Variants in CAMTA1 observed in about 807,000 individuals in gnomAD.
CAMTA1 encodes calmodulin-binding transcription activator 1.
A neutral mutation model predicts 170.9 loss-of-function variants in CAMTA1; 27 were observed. The observed-to-expected ratio is 0.16, with a 90% CI of 0.12 to 0.22. CAMTA1 has a LOEUF of 0.22. Among genes scored for constraint, CAMTA1 ranks in the 10% least tolerant of loss-of-function variants. The pLI is 1.00. For synonymous variants in CAMTA1, 833 were observed against 891.5 expected (o/e 0.93, Z 1.17); for missense variants, 1,619 against 2,217.2 (o/e 0.73, Z 5.42).
chr1:6,868,256 C>G (rs1667282995), intron 3 of CAMTA1, among the ~76,000 whole-genome samples: 1 of 150,720 alleles, frequency 6.6e-6, no homozygotes, highest in African/African-American at 2.4e-5. Context: ...CAGCAGTGAG[C>G]CAAGATCTTG....
intron 3 of CAMTA1, among the ~76,000 whole-genome samples, chr1:6,876,368 T>A (rs1038070580): frequency 6.6e-6 from 1 of 151,750 alleles, no homozygotes; most frequent in Admixed American, 6.6e-5. Context: ...TTAATTAATT[T>A]TTTTTTTTTT....
rs76339112 is a variant in CAMTA1, at chr1:7,007,743, C to T, written c.235-83561C>T. 3.5e-3 allele frequency among the ~76,000 whole-genome samples: 539 copies of T among 152,284 alleles called. 8 individuals carry two copies. The highest frequency in any genetic ancestry group is 0.012 in the African/African-American group (501 of 41,548). ...CGCTTCTGCCTCTTCCAGTGCTTTC[C>T]GACCCTGTGCTTTTCTACCGACTTC... On this transcript the variant is annotated intron_variant, in intron 3 of 22. Transcript: ENST00000303635. The surrounding 1 kb of genome is among the most constrained non-coding windows in gnomAD (Gnocchi z 4.5).
chr1:7,327,519 A>G (rs1479832072), intron 5 of CAMTA1, among the ~76,000 whole-genome samples: 2 of 152,138 alleles, frequency 1.3e-5, no homozygotes, highest in Non-Finnish European at 2.9e-5. Flanking sequence ...ATAAGGTGGT[A>G]GTGTTGGAGA....
intron 6 of CAMTA1, among the ~76,000 whole-genome samples, chr1:7,499,707 AGTGT>A (rs143198883): frequency 9.5e-6 from 1 of 105,092 alleles, no homozygotes; most frequent in Admixed American, 9.3e-5. Context: ...TATGTATATG[AGTGT>A]GTGTGTGCAT....
At chr1:7,629,756 G>C (rs535289935) in intron 6 of CAMTA1, among the ~76,000 whole-genome samples, 2 of 152,122 alleles carry the variant, frequency 1.3e-5, no homozygotes, top group African/African-American at 2.4e-5. Context: ...AGGACGCCTC[G>C]GCCATTCTGT....
intron 5 of CAMTA1, among the ~76,000 whole-genome samples, chr1:7,378,209 A>C (rs1160089007): frequency 6.6e-6 from 1 of 152,168 alleles, no homozygotes; most frequent in Admixed American, 6.5e-5. Context: ...TATGCACTGT[A>C]GCACCTGCTA....
At chr1:7,731,011 G>A (rs980975071) in intron 11 of CAMTA1, among the ~76,000 whole-genome samples, 1 of 151,700 alleles carries the variant, frequency 6.6e-6, no homozygotes, top group Non-Finnish European at 1.5e-5. Context: ...AGCGAGCGTG[G>A]GCATGATTGA....
intron 3 of CAMTA1, among the ~76,000 whole-genome samples, chr1:6,913,856 C>T (rs1680213557): frequency 6.6e-6 from 1 of 151,904 alleles, no homozygotes; most frequent in Non-Finnish European, 1.5e-5. Flanking sequence ...TGCATGAGTA[C>T]AGGCGTAGGA....
At chr1:7,541,019 C>T (rs1422348619) in intron 6 of CAMTA1, among the ~76,000 whole-genome samples, 1 of 152,234 alleles carries the variant, frequency 6.6e-6, no homozygotes, top group African/African-American at 2.4e-5. Flanking sequence ...TGCAGGGTCC[C>T]TCCGCACACT....
intron 6 of CAMTA1, among the ~76,000 whole-genome samples, chr1:7,501,279 G>C (rs552469640): frequency 6.6e-6 from 1 of 152,314 alleles, no homozygotes; most frequent in African/African-American, 2.4e-5. Flanking sequence ...GCAGATTGCT[G>C]AGATGAATGG....
At chr1:7,276,303 A>ATATATTTTTTTTTTTTTTTT in intron 5 of CAMTA1, among the ~76,000 whole-genome samples, 2 of 24,230 alleles carry the variant, frequency 8.3e-5, no homozygotes, top group South Asian at 2.4e-3. Context: ...ATATATATAT[A>ATATATTTTTTTTTTTTTTTT]TTTTTTTTTT....
At chr1:7,276,304 T>TATATATATATATATA (rs1553299266) in intron 5 of CAMTA1, among the ~76,000 whole-genome samples, 31 of 14,886 alleles carry the variant, frequency 2.1e-3, no homozygotes, top group Non-Finnish European at 3.0e-3. Context: ...TATATATATA[T>TATATATATATATATA]TTTTTTTTTT....
At chr1:6,898,476 C>A (rs887963315) in intron 3 of CAMTA1, among the ~76,000 whole-genome samples, 1 of 152,142 alleles carries the variant, frequency 6.6e-6, no homozygotes, top group African/African-American at 2.4e-5. Context: ...TGGTGTGAAC[C>A]CAGGAGGCGG....
rs1425929840 is a variant in CAMTA1, at chr1:7,738,424, G to C, written c.4124G>C (p.Gly1375Ala). The C allele has an allele frequency of 6.2e-7, 1 of 1,614,158 alleles. No homozygotes were observed. The highest frequency in any genetic ancestry group is 1.1e-5 in the South Asian group (1 of 91,076). Residue 1375 changes from glycine (G) to alanine (A), a missense_variant, in exon 16 of 23, where the codon GGG becomes GCG. By Grantham distance (60) the Gly-to-Ala change is moderately conservative (BLOSUM62 0). Coordinates refer to ENST00000303635, the MANE Select transcript of CAMTA1 (RefSeq NM_015215.4). This position sits in a 1 kb window ranked among gnomAD's most constrained non-coding sequence, Gnocchi z 4.9. ...ANREVVNTEL[G>A]SYRDSAENEE... ...AGAGAGGTGGTGAATACAGAGCTGG[G>C]GTCCTACCGTGATAGTGCAGAAAAT...
chr1:6,795,536 G>A (rs984955311), intron 1 of CAMTA1, among the ~76,000 whole-genome samples: 2 of 152,166 alleles, frequency 1.3e-5, no homozygotes, highest in African/African-American at 4.8e-5. Context: ...ATAATTATGT[G>A]GTTTAGAAGT....
chr1:7,322,597 C>T (rs1678599932), intron 5 of CAMTA1, among the ~76,000 whole-genome samples: 1 of 152,244 alleles, frequency 6.6e-6, no homozygotes, highest in Non-Finnish European at 1.5e-5. Flanking sequence ...AATGCTCAAG[C>T]CACTTTCTGT....
At chr1:7,491,151 T>C (rs911525197) in intron 6 of CAMTA1, among the ~76,000 whole-genome samples, 9 of 152,202 alleles carry the variant, frequency 5.9e-5, no homozygotes, top group African/African-American at 2.2e-4. Context: ...CTGATGGTGT[T>C]TGGGCTGTAC....
chr1:7,187,650 G>A (rs894884615), intron 4 of CAMTA1, among the ~76,000 whole-genome samples: 3 of 152,116 alleles, frequency 2.0e-5, no homozygotes, highest in African/African-American at 7.2e-5. Flanking sequence ...AGAATAAGAG[G>A]CACATCAGTT....
rs191696327 is a variant in CAMTA1, at chr1:7,375,627, C to T, written c.439-92203C>T. Among the ~76,000 whole-genome samples the T allele has an allele frequency of 2.0e-5, 3 of 152,312 alleles. No individual in the cohort carries two copies. In the East Asian group the frequency reaches 5.8e-4, roughly 29 times the overall value. The stretch of plus-strand genomic sequence containing the variant: ...CTTCCCGTCTGGAGCAGCAACAGGC[C>T]GGGCCTTCCCCTGTGCAGGCTGGCA... On this transcript the variant is annotated intron_variant, in intron 5 of 22. Transcript: ENST00000303635.
Sources: allele counts gnomAD v4.1 joint callset (sites outside exome capture counted in the v4.1 genomes callset), GRCh38; gene constraint gnomAD v4.1.1; non-coding constraint Gnocchi (gnomAD v3.1); transcripts MANE v1.5; gene names NCBI Gene and HGNC (gene_info 2026-07-23, HGNC 2026-07-21).